TANC2: variants seen among roughly 807,000 people sequenced by gnomAD.
TANC2 encodes the protein protein TANC2.
TANC2 carries 26 observed loss-of-function variants against 210.5 expected under a neutral mutation model. That is an observed-to-expected ratio of 0.12 (90% confidence interval 0.09 to 0.17). The LOEUF is 0.17. Among genes scored for constraint, TANC2 ranks in the 10% least tolerant of loss-of-function variants. The pLI is 1.00. For missense variants in TANC2, 2,129 were observed against 2,608.9 expected (o/e 0.82, Z 4.01); for synonymous variants, 931 against 967.1 (o/e 0.96, Z 0.69).
At chr17:63,255,067 A>G (rs1006492025) in intron 8 of TANC2, among the ~76,000 whole-genome samples, 1 of 90,904 alleles carries the variant, frequency 1.1e-5, no homozygotes, top group African/African-American at 4.0e-5. Flanking sequence ...TTTTTTATTT[A>G]TTTATTTATT....
At chr17:63,274,352 A>G (rs1421969016) in intron 9 of TANC2, among the ~76,000 whole-genome samples, 6 of 152,288 alleles carry the variant, frequency 3.9e-5, no homozygotes, top group South Asian at 2.1e-4. Context: ...CTAGCTGTCA[A>G]CCATCCAAGA....
intron 2 of TANC2, among the ~76,000 whole-genome samples, chr17:63,061,315 C>T (rs1267962412): frequency 1.3e-5 from 2 of 151,344 alleles, no homozygotes; most frequent in African/African-American, 2.4e-5. Flanking sequence ...TGCAGTGAGC[C>T]GAGATCACGC....
chr17:62,978,584 G>A (rs1257702771), intron 1 of TANC2: 1 of 152,362 alleles, frequency 6.6e-6, no homozygotes, highest in Non-Finnish European at 1.5e-5. Flanking sequence ...GACTGGGATG[G>A]ATGGTGTGGG....
At chr17:63,080,233 A>T (rs1394483320) in intron 3 of TANC2, among the ~76,000 whole-genome samples, 5 of 152,086 alleles carry the variant, frequency 3.3e-5, no homozygotes, top group East Asian at 1.9e-4. Context: ...AGAAATCTTG[A>T]GTTACTTTAT....
At chr17:63,180,671 T>G (rs1295093541) in intron 5 of TANC2, among the ~76,000 whole-genome samples, 2 of 152,184 alleles carry the variant, frequency 1.3e-5, no homozygotes, top group Non-Finnish European at 1.5e-5. Context: ...CTTCATGCTT[T>G]CAGAAAATAT....
chr17:63,260,676 C>T (rs1251909313), intron 8 of TANC2, among the ~76,000 whole-genome samples: 2 of 151,794 alleles, frequency 1.3e-5, no homozygotes, highest in South Asian at 2.1e-4. Flanking sequence ...AAGGTAGAAT[C>T]GCTTGAACCT....
chr17:63,177,033 G>T (rs2040609237), intron 5 of TANC2, among the ~76,000 whole-genome samples: 1 of 151,934 alleles, frequency 6.6e-6, no homozygotes, highest in African/African-American at 2.4e-5. Context: ...GGAGGCCGAG[G>T]TGGGCGGATC....
chr17:63,170,447 A>G (rs2040366076), intron 5 of TANC2, among the ~76,000 whole-genome samples: 1 of 152,030 alleles, frequency 6.6e-6, no homozygotes, highest in South Asian at 2.1e-4. Flanking sequence ...AAAAAAAAAA[A>G]AAAAGAAAGA....
At chr17:63,113,900 C>T (rs969051616) in intron 4 of TANC2, among the ~76,000 whole-genome samples, 1 of 152,146 alleles carries the variant, frequency 6.6e-6, no homozygotes, top group African/African-American at 2.4e-5. Context: ...TTGAGTTATA[C>T]CAGAGTTGGT....
chr17:63,011,093 C>T (rs1330684710), intron 2 of TANC2, among the ~76,000 whole-genome samples: 1 of 152,128 alleles, frequency 6.6e-6, no homozygotes, highest in Non-Finnish European at 1.5e-5. Flanking sequence ...TGAGGCTATT[C>T]AGGAGCCCCC....
intron 11 of TANC2, among the ~76,000 whole-genome samples, chr17:63,337,550 A>G (rs1485884842): frequency 3.3e-5 from 5 of 150,922 alleles, no homozygotes; most frequent in Non-Finnish European, 5.9e-5. Flanking sequence ...GCTACCCACA[A>G]TCACTCGTAT....
At chr17:63,248,383 A>G (rs2042971991) in intron 8 of TANC2, among the ~76,000 whole-genome samples, 1 of 152,076 alleles carries the variant, frequency 6.6e-6, no homozygotes. Flanking sequence ...CAGGATGGGG[A>G]TGGGAATGAT....
chr17:63,347,133 T>G (rs2146845325), intron 12 of TANC2, among the ~76,000 whole-genome samples: 1 of 152,328 alleles, frequency 6.6e-6, no homozygotes, highest in Admixed American at 6.5e-5. Context: ...TCTAGCAGCT[T>G]TATTCATAGT....
At chr17:63,179,410 G>A (rs983001803) in intron 5 of TANC2, among the ~76,000 whole-genome samples, 16 of 152,174 alleles carry the variant, frequency 1.1e-4, no homozygotes, top group Middle Eastern at 3.4e-3. Context: ...CTTAATCTTT[G>A]TGTACCTCAC....
chr17:63,101,181 T>A lies in TANC2; in HGVS notation c.322+1824T>A, dbSNP rs531414778. On this transcript the variant is annotated intron_variant, in intron 4 of 27. Coordinates refer to ENST00000689528, the Ensembl canonical transcript of TANC2. ...AGTAGATTATTCATCCATTATCCCT[T>A]CTTAACCTAATCATCAGTTACCCCT... Among the ~76,000 whole-genome samples, 12 of 152,324 alleles carry A rather than the reference T, an allele frequency of 7.9e-5. No homozygotes were observed. In the South Asian group the frequency reaches 2.5e-3, roughly 32 times the overall value.
chr17:63,117,309 G>A (rs1003694890), intron 4 of TANC2: 5 of 151,984 alleles, frequency 3.3e-5, no homozygotes, highest in Admixed American at 6.6e-5. Flanking sequence ...ACTAAACTGC[G>A]CCACAGAGAA....
intron 3 of TANC2, among the ~76,000 whole-genome samples, chr17:63,080,102 G>GT (rs1175652261): frequency 6.6e-6 from 1 of 152,118 alleles, no homozygotes; most frequent in Non-Finnish European, 1.5e-5. Flanking sequence ...ATTTTTCCTA[G>GT]TAATGTAAGA....
At chr17:63,328,394 G>GTGTGTGTATTCAT (rs1555633044) in intron 11 of TANC2, among the ~76,000 whole-genome samples, 1 of 151,680 alleles carries the variant, frequency 6.6e-6, no homozygotes, top group Admixed American at 6.6e-5. Flanking sequence ...GTGTGTGTGT[G>GTGTGTGTATTCAT]TGTGTGTGTG....
chr17:63,264,385 T>G (rs1470701672), intron 8 of TANC2, among the ~76,000 whole-genome samples: 1 of 152,120 alleles, frequency 6.6e-6, no homozygotes, highest in Non-Finnish European at 1.5e-5. Flanking sequence ...GTATTTCAGT[T>G]TGCTCCAGGC....
Sources: allele counts gnomAD v4.1 joint callset (sites outside exome capture counted in the v4.1 genomes callset), GRCh38; gene constraint gnomAD v4.1.1; transcripts MANE v1.5; gene names NCBI Gene and HGNC (gene_info 2026-07-23, HGNC 2026-07-21).